The following NAALADL2 variants were observed in gnomAD, a reference collection of about 807,000 sequenced individuals.
NAALADL2 encodes the protein N-acetylated alpha-linked acidic dipeptidase like 2.
Under a neutral mutation model 87.2 loss-of-function variants are expected in NAALADL2, and 76 were observed. That is an observed-to-expected ratio of 0.87 (90% CI 0.72 to 1.05). NAALADL2 has a LOEUF of 1.05. Ranked by LOEUF, NAALADL2 falls within the 50% of genes least tolerant of loss-of-function variation. The pLI, the probability that NAALADL2 is intolerant of heterozygous loss-of-function variation, is 0.00. For missense variants in NAALADL2, 1,089 were observed against 945.8 expected (o/e 1.15, Z -1.99); for synonymous variants, 354 against 331.0 (o/e 1.07, Z -0.75).
intron 4 of NAALADL2, among the ~76,000 whole-genome samples, chr3:175,267,949 G>T (rs1188393609): frequency 1.3e-5 from 2 of 152,152 alleles, no homozygotes; most frequent in African/African-American, 4.8e-5. Flanking sequence ...CTAGCCTTTA[G>T]TAAATGCTCA....
chr3:175,397,970 C>G (rs1284645941), intron 5 of NAALADL2, among the ~76,000 whole-genome samples: 1 of 152,072 alleles, frequency 6.6e-6, no homozygotes. Context: ...TTAGTCTTAT[C>G]TCTTGATTTA....
chr3:174,642,116 G>A (rs1257888075), intron 2 of NAALADL2, among the ~76,000 whole-genome samples: 3 of 152,088 alleles, frequency 2.0e-5, no homozygotes, highest in African/African-American at 7.2e-5. Context: ...GAATGACAGT[G>A]AGACACACAA....
chr3:174,452,613 G>T (rs1577943083), intron 1 of NAALADL2, among the ~76,000 whole-genome samples: 1 of 152,032 alleles, frequency 6.6e-6, no homozygotes. Context: ...CAAAATTGAG[G>T]CCCGATACAA....
In NAALADL2 at chr3:175,593,306, A is replaced by T. The variant is rs75636252; in HGVS notation, c.1800+17119A>T. On this transcript the variant is annotated intron_variant, in intron 10 of 13. Coordinates refer to ENST00000454872, the MANE Select transcript of NAALADL2 (RefSeq NM_207015.3). ...TTTCTTTACCATTGTGATAACGTCTAAGCAGGTAATGCCTTGAAGTGGTTT... is the reference window on the plus strand; with the variant it reads ...TTTCTTTACCATTGTGATAACGTCTTAGCAGGTAATGCCTTGAAGTGGTTT... 3.2e-4 allele frequency among the ~76,000 whole-genome samples: 48 copies of T among 152,304 alleles called. No individual in the cohort carries two copies. The East Asian group carries it at 9.1e-3, about 29-fold the overall frequency.
intron 13 of NAALADL2, among the ~76,000 whole-genome samples, chr3:175,786,068 C>A (rs565511596): frequency 6.6e-6 from 1 of 152,278 alleles, no homozygotes; most frequent in African/African-American, 2.4e-5. Context: ...GCCGAGAGAT[C>A]CGCTGTTAGT....
intron 9 of NAALADL2, among the ~76,000 whole-genome samples, chr3:175,488,135 TTTTG>T (rs1727570532): frequency 6.6e-6 from 1 of 152,234 alleles, no homozygotes; most frequent in African/African-American, 2.4e-5. Flanking sequence ...ATACTTCAAC[TTTTG>T]TTTAATTCTA....
rs116372132 is a variant in NAALADL2, at chr3:175,613,603, T to C, written c.1801-13688T>C. Among the ~76,000 whole-genome samples, 920 of 152,298 alleles carry C rather than the reference T, an allele frequency of 6.0e-3. 6 individuals carry two copies. Among genetic ancestry groups the C allele is most frequent in the African/African-American group, 0.021 (860 of 41,558 alleles). ...ACATCTGACTGTATTAAATATAAAG[T>C]CAATCATATGTTTCATTTGGCTATT... is the stretch of plus-strand genomic sequence containing the variant. On this transcript the variant is annotated intron_variant, in intron 10 of 13. Coordinates refer to ENST00000454872, the MANE Select transcript of NAALADL2 (RefSeq NM_207015.3).
At chr3:175,449,883 ATTG>A (rs553977042) in intron 6 of NAALADL2, among the ~76,000 whole-genome samples, 175 of 152,318 alleles carry the variant, frequency 1.1e-3, no homozygotes, top group Admixed American at 1.8e-3. Context: ...TCTCATGGAT[ATTG>A]TTATGTTTTT....
chr3:175,775,243 G>A (rs887128547), intron 13 of NAALADL2: 10 of 151,908 alleles, frequency 6.6e-5, no homozygotes, highest in African/African-American at 2.4e-4. Flanking sequence ...GAGTGTCTGA[G>A]ACATTAAGTA....
intron 1 of NAALADL2, among the ~76,000 whole-genome samples, chr3:175,031,880 T>G (rs920305783): frequency 9.2e-5 from 14 of 152,136 alleles, no homozygotes; most frequent in African/African-American, 3.4e-4. Flanking sequence ...ATGTTGAGCA[T>G]TTTTTCATGT....
intron 2 of NAALADL2, among the ~76,000 whole-genome samples, chr3:175,157,199 C>T (rs528520493): frequency 2.0e-4 from 31 of 152,102 alleles, no homozygotes; most frequent in East Asian, 5.8e-4. Context: ...CCTCCAGTTG[C>T]GCCTGTGTAT....
chr3:174,660,750 A>G (rs1189175938), intron 2 of NAALADL2, among the ~76,000 whole-genome samples: 1 of 152,170 alleles, frequency 6.6e-6, no homozygotes, highest in East Asian at 1.9e-4. Context: ...AACAAAAAGA[A>G]CATAATTTTT....
chr3:175,803,295 C>T lies in NAALADL2; in HGVS notation c.*92C>T, dbSNP rs1754414888. 1 of 794,006 alleles carries T rather than the reference C, an allele frequency of 1.3e-6. No individual in the cohort carries two copies. The highest frequency in any genetic ancestry group is 2.0e-5 in the South Asian group (1 of 49,150). The allele number at this position is 794,006 out of a possible 1,614,324, so 49.2% of individuals were successfully genotyped here. On this transcript the variant is annotated 3_prime_UTR_variant, in exon 14 of 14. Transcript: ENST00000454872. Reference sequence around the variant, plus strand: ...TTTTCTGACATTGAAGGCTTATTTTCCCCAATGGCTTTTTGACAAGTATAA... The same window carrying T: ...TTTTCTGACATTGAAGGCTTATTTTTCCCAATGGCTTTTTGACAAGTATAA...
In NAALADL2 at chr3:175,795,669, C is replaced by CAA. The variant is rs1560025011; in HGVS notation, c.2190-7336_2190-7335insAA. Among the ~76,000 whole-genome samples, 1,497 of 151,014 alleles carry CAA rather than the reference C, an allele frequency of 9.9e-3. 21 individuals carry two copies. The highest frequency in any genetic ancestry group is 0.035 in the African/African-American group (1,435 of 41,118). ...CTGCACTCCAGCCTGGGCAACATAG[C>CAA]GAGACTCTGTCTCAAAAAATAAAAA... is the stretch of plus-strand genomic sequence containing the variant. On this transcript the variant is annotated intron_variant, in intron 13 of 13. Transcript: ENST00000454872.
chr3:174,652,734 C>T (rs2108758377), intron 2 of NAALADL2, among the ~76,000 whole-genome samples: 1 of 151,912 alleles, frequency 6.6e-6, no homozygotes, highest in East Asian at 1.9e-4. Flanking sequence ...GTGAAAAAAT[C>T]CTATTATATT....
chr3:175,609,049 G>C (rs971155078), intron 10 of NAALADL2, among the ~76,000 whole-genome samples: 4 of 150,704 alleles, frequency 2.7e-5, no homozygotes, highest in Admixed American at 2.7e-4. Flanking sequence ...CTCTTTCTGT[G>C]TTGAGCCAGT....
At chr3:175,008,077 T>G (rs1749276094) in intron 1 of NAALADL2, among the ~76,000 whole-genome samples, 1 of 152,116 alleles carries the variant, frequency 6.6e-6, no homozygotes, top group South Asian at 2.1e-4. Context: ...ACACAGAATT[T>G]AAAATTTACA....
intron 1 of NAALADL2, among the ~76,000 whole-genome samples, chr3:175,048,301 AG>A (rs770270535): frequency 1.3e-5 from 2 of 152,154 alleles, no homozygotes; most frequent in Non-Finnish European, 2.9e-5. Context: ...AAAGGAAGAA[AG>A]GGAGAAAATG....
At chr3:175,575,825 A>T (rs1718789165) in intron 9 of NAALADL2, among the ~76,000 whole-genome samples, 1 of 152,190 alleles carries the variant, frequency 6.6e-6, no homozygotes, top group African/African-American at 2.4e-5. Flanking sequence ...GTTATGCTTC[A>T]GTGAGCGTCA....
Sources: allele counts gnomAD v4.1 joint callset (sites outside exome capture counted in the v4.1 genomes callset), GRCh38; gene constraint gnomAD v4.1.1; transcripts MANE v1.5; gene names NCBI Gene and HGNC (gene_info 2026-07-23, HGNC 2026-07-21).